FAM135B: variants seen among roughly 807,000 people sequenced by gnomAD.
FAM135B encodes protein FAM135B.
A neutral mutation model predicts 127.7 loss-of-function variants in FAM135B; 43 were observed. The observed-to-expected ratio is 0.34, with a 90% CI of 0.26 to 0.43. The LOEUF is 0.43. Among genes scored for constraint, FAM135B ranks in the 20% least tolerant of loss-of-function variants. FAM135B has a pLI of 1.00. For synonymous variants in FAM135B, 670 were observed against 665.1 expected, an observed-to-expected ratio of 1.01 and a Z score of -0.11; for missense variants, 1,558 against 1,725.6, an observed-to-expected ratio of 0.90 and a Z score of 1.72.
intron 1 of FAM135B, among the ~76,000 whole-genome samples, chr8:138,373,878 A>C (rs1410210755): frequency 6.6e-6 from 1 of 152,130 alleles, no homozygotes; most frequent in African/African-American, 2.4e-5. Flanking sequence ...GTTGCTCTCA[A>C]ACCCTGTCTC....
chr8:138,207,808 G>A (rs1563771304), intron 7 of FAM135B, among the ~76,000 whole-genome samples: 1 of 152,296 alleles, frequency 6.6e-6, no homozygotes, highest in East Asian at 1.9e-4. Flanking sequence ...CTCCCTCAAA[G>A]GCGTCAATCT....
At chr8:138,458,481 G>C (rs1339185701) in intron 1 of FAM135B, among the ~76,000 whole-genome samples, 1 of 152,204 alleles carries the variant, frequency 6.6e-6, no homozygotes, top group Non-Finnish European at 1.5e-5. Context: ...GGGGAAGAAG[G>C]AGCAGAGTAG....
At chr8:138,443,832 C>T (rs963069796) in intron 1 of FAM135B, among the ~76,000 whole-genome samples, 1 of 152,106 alleles carries the variant, frequency 6.6e-6, no homozygotes, top group African/African-American at 2.4e-5. Flanking sequence ...GGGCTAAATG[C>T]TCCAATTAAA....
intron 1 of FAM135B, among the ~76,000 whole-genome samples, chr8:138,404,110 A>T (rs1032856286): frequency 1.3e-5 from 2 of 152,152 alleles, no homozygotes; most frequent in Non-Finnish European, 2.9e-5. Flanking sequence ...GTTCAGTGCC[A>T]GACCACCACA....
intron 1 of FAM135B, among the ~76,000 whole-genome samples, chr8:138,455,667 T>G: frequency 6.6e-6 from 1 of 152,156 alleles, no homozygotes; most frequent in East Asian, 1.9e-4. Context: ...TGTTCTTTCT[T>G]GTCTAGCATT....
chr8:138,487,346 G>A (rs1342561200), intron 1 of FAM135B, among the ~76,000 whole-genome samples: 1 of 151,992 alleles, frequency 6.6e-6, no homozygotes, highest in Non-Finnish European at 1.5e-5. Context: ...AGCCCCCATG[G>A]GACTACTTTT....
chr8:138,311,990 A>C (rs1041747668), intron 2 of FAM135B, among the ~76,000 whole-genome samples: 1 of 152,188 alleles, frequency 6.6e-6, no homozygotes, highest in African/African-American at 2.4e-5. Context: ...TGTGTCTCCC[A>C]GGCAGGCATA....
At position 138,220,061 on chromosome 8, in the gene FAM135B, T is replaced by TCACACACACACACACACA. The variant is rs3221962; in HGVS notation, c.670-22410_670-22393dup. ...CACAAATAGGGTGATTTGCCTAAAA[T>TCACACACACACACACACA]CACACACACACACACACACACACAC... On this transcript the variant is annotated intron_variant, in intron 7 of 19. Coordinates refer to ENST00000395297, the MANE Select transcript of FAM135B (RefSeq NM_015912.4). Among the ~76,000 whole-genome samples the TCACACACACACACACACA allele has an allele frequency of 6.2e-3, 906 of 146,504 alleles. 8 individuals are homozygous for TCACACACACACACACACA. The highest frequency in any genetic ancestry group is 8.7e-3 in the Non-Finnish European group (581 of 66,830).
chr8:138,235,106 G>T (rs1240629504), intron 7 of FAM135B, among the ~76,000 whole-genome samples: 1 of 152,126 alleles, frequency 6.6e-6, no homozygotes, highest in Non-Finnish European at 1.5e-5. Flanking sequence ...GTAGACCCTA[G>T]CCACTGTGCC....
chr8:138,365,525 A>T (rs1373118003), intron 2 of FAM135B, among the ~76,000 whole-genome samples: 3 of 152,196 alleles, frequency 2.0e-5, no homozygotes, highest in African/African-American at 7.2e-5. Flanking sequence ...AATATAACTA[A>T]ATCACTCTCT....
chr8:138,293,183 T>C (rs895994619), intron 3 of FAM135B, among the ~76,000 whole-genome samples: 3 of 152,174 alleles, frequency 2.0e-5, no homozygotes, highest in African/African-American at 7.2e-5. Flanking sequence ...ATGGGAAAAC[T>C]GGATAGCCAC....
chr8:138,233,424 G>A (rs1820044832), intron 7 of FAM135B, among the ~76,000 whole-genome samples: 1 of 152,138 alleles, frequency 6.6e-6, no homozygotes, highest in Non-Finnish European at 1.5e-5. Flanking sequence ...GAAAATGGCT[G>A]CCTCCGCAAC....
At chr8:138,313,606 T>C (rs13275428) in intron 2 of FAM135B, among the ~76,000 whole-genome samples, 3 of 149,386 alleles carry the variant, frequency 2.0e-5, no homozygotes, top group Admixed American at 6.7e-5. Context: ...TGGTCTCAAG[T>C]GATCCTCCCA....
At chr8:138,378,917 G>T (rs1245282895) in intron 1 of FAM135B, among the ~76,000 whole-genome samples, 1 of 152,136 alleles carries the variant, frequency 6.6e-6, no homozygotes, top group Admixed American at 6.5e-5. Context: ...CAGGCAGAGG[G>T]CTTGAAGTAC....
chr8:138,270,089 C>T (rs929116601), intron 3 of FAM135B, among the ~76,000 whole-genome samples: 11 of 152,238 alleles, frequency 7.2e-5, no homozygotes, highest in Admixed American at 6.5e-4. Context: ...ACAGGGTCAT[C>T]GAGCCTTCAA....
At chr8:138,304,692 C>T (rs1322962724) in intron 3 of FAM135B, among the ~76,000 whole-genome samples, 1 of 152,166 alleles carries the variant, frequency 6.6e-6, no homozygotes. Flanking sequence ...TGAAGGAGGG[C>T]CCTAGTTGGC....
At chr8:138,367,615 C>T (rs759876839) in intron 2 of FAM135B, among the ~76,000 whole-genome samples, 7 of 151,918 alleles carry the variant, frequency 4.6e-5, no homozygotes, top group Non-Finnish European at 8.8e-5. Flanking sequence ...ATTCACTTCC[C>T]GTTAAAATTG....
intron 1 of FAM135B, among the ~76,000 whole-genome samples, chr8:138,432,352 C>T (rs1446427854): frequency 6.6e-6 from 1 of 152,032 alleles, no homozygotes; most frequent in Non-Finnish European, 1.5e-5. Context: ...TGGTAAGGAG[C>T]AAGAGTGGTA....
intron 13 of FAM135B, among the ~76,000 whole-genome samples, chr8:138,150,610 G>A (rs1468711903): frequency 2.0e-5 from 3 of 152,176 alleles, no homozygotes; most frequent in Non-Finnish European, 4.4e-5. Context: ...GGAGGCTGCA[G>A]TGAGCAGAGA....
Sources: allele counts gnomAD v4.1 joint callset (sites outside exome capture counted in the v4.1 genomes callset), GRCh38; gene constraint gnomAD v4.1.1; transcripts MANE v1.5; gene names NCBI Gene and HGNC (gene_info 2026-07-23, HGNC 2026-07-21).